The following NCKAP5 variants were observed in gnomAD, a reference collection of about 807,000 sequenced individuals.
The protein encoded by NCKAP5 is nck-associated protein 5.
A neutral mutation model predicts 167.0 loss-of-function variants in NCKAP5; 92 were observed. The observed-to-expected ratio is 0.55, with a 90% CI of 0.47 to 0.66. NCKAP5 has a LOEUF of 0.66. NCKAP5 is among the 30% of genes least tolerant of loss of function. The pLI is 0.00. For synonymous variants in NCKAP5, 891 were observed against 877.4 expected, an observed-to-expected ratio of 1.02 and a Z score of -0.27; for missense variants, 2,378 against 2,315.0, an observed-to-expected ratio of 1.03 and a Z score of -0.56.
rs1240485064 is a variant in NCKAP5 at position 133,329,774 on chromosome 2, GACAC to G, written c.70-26668_70-26665del. On this transcript the variant is annotated intron_variant, in intron 3 of 19. Coordinates refer to ENST00000409261, the MANE Select transcript of NCKAP5 (RefSeq NM_207363.3). ...CCAGAATTTAAAAAATGCTAAAGAA[GACAC>G]ACACTGTACCCCAAAGGTGAGAAAA... 3.3e-5 allele frequency among the ~76,000 whole-genome samples: 5 copies of G among 152,182 alleles called. No homozygotes were observed. In the East Asian group the frequency reaches 5.8e-4, roughly 18 times the overall value.
rs758553352 is a variant in NCKAP5, at chr2:132,785,107, T to C, written c.1704A>G (p.Gln568=). The change falls in exon 14 of 20, where the codon CAA becomes CAG. Residue 568 remains glutamine, a synonymous_variant. Transcript: ENST00000409261. ...GGTTGAGAGCCATGCGGCCATGGCCTTGGCCCTGTGGGCCCCTCTCCCTCT... is the reference window on the plus strand; with the variant it reads ...GGTTGAGAGCCATGCGGCCATGGCCCTGGCCCTGTGGGCCCCTCTCCCTCT... ...QVQRERGPQG[Q]GHGRMALNLQ... 9 of 1,614,030 alleles carry C rather than the reference T, an allele frequency of 5.6e-6. No individual in the cohort carries two copies. The highest frequency in any genetic ancestry group is 7.6e-6 in the Non-Finnish European group (9 of 1,179,884).
chr2:133,090,309 G>A (rs2081131309), intron 6 of NCKAP5, among the ~76,000 whole-genome samples: 1 of 152,012 alleles, frequency 6.6e-6, no homozygotes, highest in African/African-American at 2.4e-5. Context: ...GAGATATCTG[G>A]GTAAGCTCTA....
intron 7 of NCKAP5, among the ~76,000 whole-genome samples, chr2:132,984,153 T>A (rs1340453603): frequency 6.6e-6 from 1 of 152,144 alleles, no homozygotes; most frequent in East Asian, 1.9e-4. Context: ...CCAGAAAAGA[T>A]CTTCAAGATC....
rs75824888 is a variant in NCKAP5 at position 133,319,649 on chromosome 2, C to T, written c.70-16539G>A. ...ATAGCAACGCAGACAGTTCACTTAC[C>T]AGTGGATAGTAATTTAACTATTCTA... is the stretch of plus-strand genomic sequence containing the variant. On this transcript the variant is annotated intron_variant, in intron 3 of 19. Transcript: ENST00000409261. 2.8e-3 allele frequency among the ~76,000 whole-genome samples: 424 copies of T among 152,198 alleles called. 4 individuals are homozygous for T. The highest frequency in any genetic ancestry group is 0.024 in the East Asian group (125 of 5,160).
intron 11 of NCKAP5, among the ~76,000 whole-genome samples, chr2:132,843,738 T>C (rs945511372): frequency 6.6e-6 from 1 of 152,150 alleles, no homozygotes; most frequent in Non-Finnish European, 1.5e-5. Flanking sequence ...TATCTTACTT[T>C]AGATCTCTTA....
At chr2:133,178,748 C>A (rs2084592204) in intron 5 of NCKAP5, among the ~76,000 whole-genome samples, 1 of 149,592 alleles carries the variant, frequency 6.7e-6, no homozygotes, top group South Asian at 2.1e-4. Context: ...TGGCATAAAC[C>A]CAGGAGGCGG....
intron 8 of NCKAP5, among the ~76,000 whole-genome samples, chr2:132,943,620 T>G (rs930914512): frequency 6.6e-6 from 1 of 152,118 alleles, no homozygotes; most frequent in African/African-American, 2.4e-5. Context: ...GTCATAAAGT[T>G]TTTCATTTTC....
intron 6 of NCKAP5, among the ~76,000 whole-genome samples, chr2:132,998,474 G>T (rs1231662370): frequency 6.6e-6 from 1 of 152,100 alleles, no homozygotes; most frequent in Non-Finnish European, 1.5e-5. Context: ...CAGAGTCACA[G>T]GGCCCCATCC....
chr2:133,309,362 C>T (rs945828259), intron 3 of NCKAP5, among the ~76,000 whole-genome samples: 3 of 152,100 alleles, frequency 2.0e-5, no homozygotes, highest in Admixed American at 2.0e-4. Context: ...GAAACCATTT[C>T]CTTTATATTA....
chr2:133,616,869 A>C, the NCKAP5 span, among the ~76,000 whole-genome samples: 4 of 152,248 alleles, frequency 2.6e-5, no homozygotes, highest in South Asian at 8.3e-4. Context: ...CTTTAGACCA[A>C]TATCCTTGAT....
At position 133,511,177 on chromosome 2, in the gene NCKAP5, A is replaced by G. The variant is rs545283329; in HGVS notation, c.69+6281T>C. ...TAGTCTACTTCCGTCCTCCATTCAGACTGTCCCCAGCACCAGTGTTGCTGC... is the reference window on the plus strand; with the variant it reads ...TAGTCTACTTCCGTCCTCCATTCAGGCTGTCCCCAGCACCAGTGTTGCTGC... On this transcript the variant is annotated intron_variant, in intron 3 of 19. Transcript: ENST00000409261. Among the ~76,000 whole-genome samples, 23 of 152,244 alleles carry G rather than the reference A, an allele frequency of 1.5e-4. 1 individual carries two copies. Among genetic ancestry groups the G allele is most frequent in the Admixed American group, 3.3e-4 (5 of 15,296 alleles).
intron 2 of NCKAP5, among the ~76,000 whole-genome samples, chr2:133,533,557 T>C (rs2104840614): frequency 1.3e-5 from 2 of 152,216 alleles, no homozygotes; most frequent in Middle Eastern, 3.4e-3. Context: ...ACAAAAAAAC[T>C]AGGTACAGGA....
chr2:133,303,403 TC>T (rs1473393478), intron 3 of NCKAP5, among the ~76,000 whole-genome samples: 1 of 152,122 alleles, frequency 6.6e-6, no homozygotes, highest in Non-Finnish European at 1.5e-5. Flanking sequence ...TAAACTGGAG[TC>T]TGTGTTCTAC....
intron 16 of NCKAP5, among the ~76,000 whole-genome samples, chr2:132,743,230 A>T (rs1297045635): frequency 2.6e-5 from 4 of 151,878 alleles, no homozygotes; most frequent in African/African-American, 9.7e-5. Flanking sequence ...GATGGAATAC[A>T]AACATAGCCT....
chr2:133,273,978 A>T (rs2089625624), intron 4 of NCKAP5, among the ~76,000 whole-genome samples: 1 of 151,490 alleles, frequency 6.6e-6, no homozygotes, highest in Middle Eastern at 3.4e-3. Context: ...TCTACCAAAA[A>T]AAAAAAAAAA....
At chr2:133,319,459 CT>C (rs200789901) in intron 3 of NCKAP5, among the ~76,000 whole-genome samples, 121 of 151,094 alleles carry the variant, frequency 8.0e-4, no homozygotes, top group African/African-American at 2.3e-3. Context: ...GGGATGTTAC[CT>C]TTTTTTTTAA....
chr2:133,157,374 TTACTG>T (rs2083614618), intron 5 of NCKAP5, among the ~76,000 whole-genome samples: 1 of 152,184 alleles, frequency 6.6e-6, no homozygotes, highest in Admixed American at 6.5e-5. Context: ...GAACTAGTAC[TTACTG>T]TGTTCCTACC....
intron 3 of NCKAP5, among the ~76,000 whole-genome samples, chr2:133,432,385 T>C (rs1690216747): frequency 6.6e-6 from 1 of 152,208 alleles, no homozygotes; most frequent in Non-Finnish European, 1.5e-5. Flanking sequence ...GAGTTTAAAA[T>C]ATTGCATTTC....
At chr2:133,190,803 A>G (rs1472911003) in intron 5 of NCKAP5, among the ~76,000 whole-genome samples, 3 of 152,208 alleles carry the variant, frequency 2.0e-5, no homozygotes, top group African/African-American at 7.2e-5. Context: ...TGTTAGACCT[A>G]AACCTATAAA....
Sources: gnomAD v4.1 joint callset for allele counts (sites outside exome capture counted in the v4.1 genomes callset) on GRCh38, gnomAD v4.1.1 for gene constraint, MANE v1.5 for transcripts, NCBI Gene and HGNC (gene_info 2026-07-23, HGNC 2026-07-21) for gene names.